GABRA2: variants seen among roughly 807,000 people sequenced by gnomAD.
GABRA2 encodes gamma-aminobutyric acid type A receptor subunit alpha2.
A neutral mutation model predicts 48.7 loss-of-function variants in GABRA2; 16 were observed. That is an observed-to-expected ratio of 0.33 (90% CI 0.22 to 0.50). GABRA2 has a LOEUF of 0.50. Ranked by LOEUF, GABRA2 falls within the 20% of genes least tolerant of loss-of-function variation. The probability of loss-of-function intolerance (pLI) is 0.98; values close to 1 mark genes in which losing one functional copy is unlikely to be tolerated. For missense variants in GABRA2, 275 were observed against 535.6 expected (o/e 0.51, Z 4.80); for synonymous variants, 185 against 184.5 (o/e 1.00, Z -0.02).
At chr4:46,327,966 T>C (rs914201013) in intron 4 of GABRA2, among the ~76,000 whole-genome samples, 1 of 151,970 alleles carries the variant, frequency 6.6e-6, no homozygotes, top group Admixed American at 6.6e-5. Flanking sequence ...TTATAATACC[T>C]ATACCTTAAT....
At chr4:46,288,521 T>C (rs1722984412) in intron 8 of GABRA2, among the ~76,000 whole-genome samples, 1 of 152,128 alleles carries the variant, frequency 6.6e-6, no homozygotes, top group Non-Finnish European at 1.5e-5. Context: ...ATGCAGAAGA[T>C]TGAAACTGTA....
chr4:46,325,146 G>A (rs1178017699), intron 4 of GABRA2, among the ~76,000 whole-genome samples: 1 of 151,866 alleles, frequency 6.6e-6, no homozygotes, highest in Non-Finnish European at 1.5e-5. Flanking sequence ...TCTGTTTTAA[G>A]TTCTTTCTGA....
intron 4 of GABRA2, among the ~76,000 whole-genome samples, chr4:46,320,848 A>G (rs1729329069): frequency 6.6e-6 from 1 of 151,918 alleles, no homozygotes. Flanking sequence ...ATATTCCTCA[A>G]AATGTTAAAA....
At chr4:46,317,139 T>C (rs950843910) in intron 4 of GABRA2, among the ~76,000 whole-genome samples, 2 of 151,830 alleles carry the variant, frequency 1.3e-5, no homozygotes, top group African/African-American at 4.8e-5. Context: ...AAGTAAAAGA[T>C]GTTAGTGAAT....
chr4:46,253,887 T>C (rs1715290610), intron 9 of GABRA2, among the ~76,000 whole-genome samples: 1 of 151,418 alleles, frequency 6.6e-6, no homozygotes, highest in Non-Finnish European at 1.5e-5. Context: ...GTCCCCTCAG[T>C]CCATTTAAAA....
chr4:46,356,514 A>G (rs948003121), intron 3 of GABRA2, among the ~76,000 whole-genome samples: 2 of 151,994 alleles, frequency 1.3e-5, no homozygotes, highest in Admixed American at 6.6e-5. Flanking sequence ...GATGTTTATC[A>G]AGCAATTACA....
At chr4:46,385,610 TATC>T (rs2109373367) in intron 3 of GABRA2, among the ~76,000 whole-genome samples, 1 of 152,218 alleles carries the variant, frequency 6.6e-6, no homozygotes, top group African/African-American at 2.4e-5. Context: ...TGTAAAGAAG[TATC>T]ATCATAGAAT....
intron 9 of GABRA2, chr4:46,261,548 CT>C (rs1166360679): frequency 3.4e-6 from 1 of 294,234 alleles, no homozygotes; most frequent in African/African-American, 2.1e-5. Flanking sequence ...TTCAAGTATA[CT>C]TACTAACAAG....
At chr4:46,250,683 G>T in intron 9 of GABRA2, 79 bp from the exon 10 acceptor site, 2 of 1,046,330 alleles carry the variant, frequency 1.9e-6, no homozygotes, top group Non-Finnish European at 2.8e-6. Context: ...TTCAAATTCT[G>T]AAGGAAGGTA....
At chr4:46,330,591 T>TATATAGAGAGAGAGCGAG (rs1411755120) in intron 4 of GABRA2, among the ~76,000 whole-genome samples, 1 of 122,690 alleles carries the variant, frequency 8.2e-6, no homozygotes, top group East Asian at 3.1e-4. Flanking sequence ...TATATATATA[T>TATATAGAGAGAGAGCGAG]AGAGAGAGAG....
chr4:46,317,322 CAAAGT>C, intron 4 of GABRA2, among the ~76,000 whole-genome samples: 1 of 151,652 alleles, frequency 6.6e-6, no homozygotes, highest in South Asian at 2.1e-4. Context: ...CAGCGGCTTA[CAAAGT>C]AAAGTGTGTG....
chr4:46,342,860 G>T (rs1418728613), intron 3 of GABRA2, among the ~76,000 whole-genome samples: 1 of 151,854 alleles, frequency 6.6e-6, no homozygotes, highest in Admixed American at 6.6e-5. Flanking sequence ...ACAGGGACTG[G>T]CTTTGTTGCC....
chr4:46,373,710 C>T (rs991402731), intron 3 of GABRA2, among the ~76,000 whole-genome samples: 7 of 152,120 alleles, frequency 4.6e-5, no homozygotes, highest in African/African-American at 1.7e-4. Context: ...TCTACATTAA[C>T]TCCCATTGTT....
At chr4:46,263,261 G>T (rs929172452) in intron 8 of GABRA2, among the ~76,000 whole-genome samples, 1 of 152,074 alleles carries the variant, frequency 6.6e-6, no homozygotes, top group African/African-American at 2.4e-5. Context: ...TATTGAGGAA[G>T]ATATGGGGCA....
chr4:46,365,371 C>A (rs1713879691), intron 3 of GABRA2: 1 of 152,006 alleles, frequency 6.6e-6, no homozygotes, highest in Non-Finnish European at 1.5e-5. Context: ...CACATGTAAC[C>A]CTAGGATACA....
At chr4:46,253,139 G>C (rs1203663399) in intron 9 of GABRA2, among the ~76,000 whole-genome samples, 1 of 150,144 alleles carries the variant, frequency 6.7e-6, no homozygotes, top group Non-Finnish European at 1.5e-5. Context: ...GTAGGATTTA[G>C]GCATGTAGAC....
At chr4:46,330,326 A>T (rs1731113445) in intron 4 of GABRA2, among the ~76,000 whole-genome samples, 1 of 152,050 alleles carries the variant, frequency 6.6e-6, no homozygotes, top group South Asian at 2.1e-4. Flanking sequence ...AATGTGTTCT[A>T]TTGCTAATGA....
At position 46,270,820 on chromosome 4, in the gene GABRA2, G is replaced by T. The variant is rs564259672; in HGVS notation, c.857-8692C>A. On this transcript the variant is annotated intron_variant, in intron 8 of 9. Coordinates refer to ENST00000381620, the MANE Select transcript of GABRA2 (RefSeq NM_000807.4). ...ATGATGTCCAAGCAAAGAGTGTTGG[G>T]TAAAAATACACGCTGAGAAGAAAGT... Among the ~76,000 whole-genome samples the T allele has an allele frequency of 5.3e-5, 8 of 151,800 alleles. No individual in the cohort carries two copies. The South Asian group carries it at 1.7e-3, about 32-fold the overall frequency.
At chr4:46,389,468 C>G in intron 1 of GABRA2, 1 of 907,270 alleles carries the variant, frequency 1.1e-6, no homozygotes, top group South Asian at 5.1e-5. Flanking sequence ...GCGGTAATCA[C>G]AGTGAGCAAA....
Sources: gnomAD v4.1 joint callset for allele counts (sites outside exome capture counted in the v4.1 genomes callset) on GRCh38, gnomAD v4.1.1 for gene constraint, MANE v1.5 for transcripts, NCBI Gene and HGNC (gene_info 2026-07-23, HGNC 2026-07-21) for gene names.